The following DOCK8 variants were observed in gnomAD, a reference collection of about 807,000 sequenced individuals.
DOCK8 encodes the protein dedicator of cytokinesis protein 8.
DOCK8 carries 141 observed loss-of-function variants against 245.6 expected under a neutral mutation model. The ratio of observed to expected loss-of-function variants is 0.57; its 90% confidence interval spans 0.50 to 0.66. The LOEUF (loss-of-function observed/expected upper bound fraction) is 0.66, where lower values mean the gene tolerates loss of function less well. Among genes scored for constraint, DOCK8 ranks in the 30% least tolerant of loss-of-function variants. The probability of loss-of-function intolerance (pLI) is 0.00; values close to 1 mark genes in which losing one functional copy is unlikely to be tolerated. For missense variants in DOCK8, 2,965 were observed against 2,603.4 expected, an observed-to-expected ratio of 1.14 and a Z score of -3.02; for synonymous variants, 1,168 against 970.2, an observed-to-expected ratio of 1.20 and a Z score of -3.79.
At chr9:348,782 T>G (rs1020248101) in intron 14 of DOCK8, among the ~76,000 whole-genome samples, 4 of 152,322 alleles carry the variant, frequency 2.6e-5, no homozygotes, top group African/African-American at 7.2e-5. Flanking sequence ...CGGGACAGCT[T>G]TGGGAAACTG....
chr9:377,156 G>A lies in DOCK8; in HGVS notation c.2385G>A (p.Val795=). The part of the protein sequence containing the change: ...LEPLVLFLHL[V]LDKLFQLSVQ... Reference sequence around the variant, plus strand: ...CGCTCGTGCTCTTCCTGCACCTGGTGCTGGACAAGCTCTTCCAGCTGTCCG... The same window carrying A: ...CGCTCGTGCTCTTCCTGCACCTGGTACTGGACAAGCTCTTCCAGCTGTCCG... The change falls in exon 20 of 48, where the codon GTG becomes GTA. Residue 795 remains valine (V), a synonymous_variant. Coordinates refer to ENST00000432829, the MANE Select transcript of DOCK8 (RefSeq NM_203447.4). The A allele has an allele frequency of 6.2e-7, 1 of 1,605,630 alleles. No homozygotes were observed. Among genetic ancestry groups the A allele is most frequent in the Non-Finnish European group, 8.5e-7 (1 of 1,179,696 alleles).
chr9:444,335 AAATAAT>A (rs139606153), intron 43 of DOCK8, among the ~76,000 whole-genome samples: 83 of 143,618 alleles, frequency 5.8e-4, no homozygotes, highest in Non-Finnish European at 9.7e-4. Context: ...AAAACAAAGC[AAATAAT>A]AATAATAATA....
intron 1 of DOCK8, chr9:215,413 T>A: frequency 6.5e-7 from 1 of 1,531,384 alleles, no homozygotes; most frequent in African/African-American, 1.4e-5. Flanking sequence ...CTCCTTCCTT[T>A]GAGGCAAGTC....
chr9:434,610 T>C (rs963382495), intron 38 of DOCK8, among the ~76,000 whole-genome samples, 173 bp from the exon 39 acceptor site: 1 of 152,200 alleles, frequency 6.6e-6, no homozygotes, highest in East Asian at 1.9e-4. Flanking sequence ...TAAAAATAGT[T>C]GGACTAATAA....
upstream of DOCK8, chr9:214,596 G>T (rs142872435): frequency 1.4e-5 from 23 of 1,613,822 alleles, no homozygotes; most frequent in Admixed American, 1.0e-4. Flanking sequence ...TCGCAGCTTC[G>T]GGCAGATGGA....
At chr9:338,591 G>C (rs1249530043) in intron 12 of DOCK8, among the ~76,000 whole-genome samples, 1 of 152,154 alleles carries the variant, frequency 6.6e-6, no homozygotes, top group Non-Finnish European at 1.5e-5. Flanking sequence ...CCTTGTTCGA[G>C]ACAAATGTGA....
chr9:412,781 T>C (rs1230612887), intron 28 of DOCK8, among the ~76,000 whole-genome samples: 1 of 151,720 alleles, frequency 6.6e-6, no homozygotes, highest in African/African-American at 2.4e-5. Context: ...GAGGATATCA[T>C]ATGTTCATGA....
intron 14 of DOCK8, among the ~76,000 whole-genome samples, chr9:345,241 T>C (rs72701296): frequency 0.087 from 13,249 of 152,240 alleles, 692 homozygotes; most frequent in Admixed American, 0.17. Context: ...AATGAAGATC[T>C]GTGGGGCAGA....
rs139250995 is a variant in DOCK8, at chr9:340,307, T to C, written c.1665T>C (p.Pro555=). ...TTCCAACACGAGAAGTATATGTCCC[T>C]CACACTGTGTACAGGTAAGAAACAC... is the stretch of plus-strand genomic sequence containing the variant. ...LEFPTREVYV[P]HTVYRNLLYV... is the part of the protein sequence containing the mutation. The change falls in exon 14 of 48, where the codon CCT becomes CCC. Residue 555 remains proline, a synonymous_variant. Coordinates refer to ENST00000432829, the MANE Select transcript of DOCK8 (RefSeq NM_203447.4). 2 of 1,613,976 alleles carry C rather than the reference T, an allele frequency of 1.2e-6. No individual in the cohort carries two copies. Among genetic ancestry groups the C allele is most frequent in the African/African-American group, 2.7e-5 (2 of 74,898 alleles).
In DOCK8 at chr9:234,219, T is replaced by G. The variant is rs550354041; in HGVS notation, c.53+19190T>G. On this transcript the variant is annotated intron_variant, in intron 1 of 47. Coordinates refer to ENST00000432829, the MANE Select transcript of DOCK8 (RefSeq NM_203447.4). ...TTCTTTCCTTTCAGAATGTTGAATA[T>G]TGGCCCCCACTCTCTTCTGGCTTGT... 2.6e-5 allele frequency among the ~76,000 whole-genome samples: 4 copies of G among 152,342 alleles called. No individual in the cohort carries two copies. The South Asian group carries it at 6.2e-4, about 24-fold the overall frequency.
intron 36 of DOCK8, 106 bp downstream of exon 36, chr9:429,960 T>A: frequency 7.3e-7 from 1 of 1,371,498 alleles, no homozygotes; most frequent in Non-Finnish European, 1.0e-6. Context: ...TGCAGTTTAC[T>A]TCTGTCCTGT....
At chr9:435,790 T>C (rs1382848654) in intron 39 of DOCK8, among the ~76,000 whole-genome samples, 1 of 152,116 alleles carries the variant, frequency 6.6e-6, no homozygotes, top group East Asian at 1.9e-4. Flanking sequence ...TACTGAATAG[T>C]TTAATAGTCT....
chr9:287,897 G>C (rs1216357856), intron 3 of DOCK8, among the ~76,000 whole-genome samples: 1 of 152,112 alleles, frequency 6.6e-6, no homozygotes, highest in Non-Finnish European at 1.5e-5. Flanking sequence ...ACAGTAGCCA[G>C]TCACCGCAGC....
intron 33 of DOCK8, among the ~76,000 whole-genome samples, chr9:422,921 G>C (rs879687193): frequency 8.0e-5 from 12 of 150,852 alleles, no homozygotes; most frequent in Non-Finnish European, 7.4e-5. Flanking sequence ...GGAGGCAGAG[G>C]TTGCAGTGAG....
At chr9:365,988 G>A (rs2052975628) in intron 14 of DOCK8, 1 of 198,920 alleles carries the variant, frequency 5.0e-6, no homozygotes, top group Non-Finnish European at 1.1e-5. Flanking sequence ...TTTAGACAGA[G>A]CACGATTTGG....
At chr9:430,034 G>A (rs1420236535) in intron 36 of DOCK8, among the ~76,000 whole-genome samples, 180 bp downstream of exon 36, 1 of 152,332 alleles carries the variant, frequency 6.6e-6, no homozygotes, top group East Asian at 1.9e-4. Flanking sequence ...ATCTAAAAGT[G>A]AATTCATCAG....
At chr9:343,321 C>G (rs921811429) in intron 14 of DOCK8, among the ~76,000 whole-genome samples, 4 of 151,918 alleles carry the variant, frequency 2.6e-5, no homozygotes, top group African/African-American at 4.8e-5. Context: ...AGTGAGACCC[C>G]CATCTCTACA....
intron 1 of DOCK8, among the ~76,000 whole-genome samples, chr9:250,967 G>A (rs1379536713): frequency 6.6e-6 from 1 of 152,174 alleles, no homozygotes. Flanking sequence ...ATGAGCTTGA[G>A]GAAGGCCCTC....
chr9:412,376 G>T (rs1304321346), intron 28 of DOCK8, among the ~76,000 whole-genome samples: 1 of 141,880 alleles, frequency 7.0e-6, no homozygotes, highest in Non-Finnish European at 1.5e-5. Flanking sequence ...CTGCACTCCA[G>T]CCTGGGCCAC....
Sources: allele counts gnomAD v4.1 joint callset (sites outside exome capture counted in the v4.1 genomes callset), GRCh38; gene constraint gnomAD v4.1.1; transcripts MANE v1.5; gene names NCBI Gene and HGNC (gene_info 2026-07-23, HGNC 2026-07-21).